CEP85L: variants seen among roughly 807,000 people sequenced by gnomAD.
CEP85L encodes the protein centrosomal protein of 85 kDa-like.
In CEP85L, 60 loss-of-function variants were observed where a neutral mutation model predicts 100.3. The observed-to-expected ratio is 0.60, with a 90% CI of 0.49 to 0.74. The LOEUF (loss-of-function observed/expected upper bound fraction) is 0.74, where lower values mean the gene tolerates loss of function less well. CEP85L is among the 30% of genes least tolerant of loss of function. The probability of loss-of-function intolerance (pLI) is 0.00; values close to 1 mark genes in which losing one functional copy is unlikely to be tolerated. For synonymous variants in CEP85L, 319 were observed against 322.7 expected (o/e 0.99, Z 0.12); for missense variants, 973 against 936.2 (o/e 1.04, Z -0.51).
intron 2 of CEP85L, among the ~76,000 whole-genome samples, chr6:118,616,521 G>C (rs1432556589): frequency 6.6e-6 from 1 of 150,468 alleles, no homozygotes; most frequent in African/African-American, 2.4e-5. Flanking sequence ...GACAGAGTGA[G>C]ACTATCTTCA....
At chr6:118,588,845 G>A (rs1781014901) in intron 2 of CEP85L, among the ~76,000 whole-genome samples, 1 of 152,170 alleles carries the variant, frequency 6.6e-6, no homozygotes, top group African/African-American at 2.4e-5. Context: ...TCTACCCCAG[G>A]AGGAGCCCTA....
chr6:118,687,677 T>C (rs1351619223), intron 1 of CEP85L, among the ~76,000 whole-genome samples: 1 of 152,096 alleles, frequency 6.6e-6, no homozygotes, highest in Non-Finnish European at 1.5e-5. Context: ...GGGAGCCCTG[T>C]TTTCACTCTA....
chr6:118,502,388 G>C (rs972419325), intron 5 of CEP85L: 4 of 525,640 alleles, frequency 7.6e-6, no homozygotes, highest in Non-Finnish European at 1.1e-5. Flanking sequence ...ATAGTTTGCT[G>C]GATGTTTTAA....
intron 2 of CEP85L, among the ~76,000 whole-genome samples, chr6:118,588,045 G>A (rs1780969908): frequency 6.6e-6 from 1 of 152,212 alleles, no homozygotes; most frequent in Non-Finnish European, 1.5e-5. Flanking sequence ...AGCTGCAGTA[G>A]TTCTCAACTT....
chr6:118,614,865 CAGATAGATAGATAGAT>C (rs57663206), intron 2 of CEP85L, among the ~76,000 whole-genome samples: 17 of 149,974 alleles, frequency 1.1e-4, no homozygotes, highest in South Asian at 4.3e-4. Flanking sequence ...GACAGACAGA[CAGATAGATAGATAGAT>C]AGATAGATAG....
chr6:118,590,026 AT>A lies in CEP85L; in HGVS notation c.233-23711del, dbSNP rs549983119. The stretch of plus-strand genomic sequence containing the variant: ...TTGAGGCCAGTTCTGGGTGTTTCAG[AT>A]TTTTTTTCTCTGCATTTACACACAC... On this transcript the variant is annotated intron_variant, in intron 2 of 12. Coordinates refer to ENST00000368491, the MANE Select transcript of CEP85L (RefSeq NM_001042475.3). Among the ~76,000 whole-genome samples, 34 of 151,586 alleles carry A rather than the reference AT, an allele frequency of 2.2e-4. 1 individual carries two copies. In the South Asian group the frequency reaches 3.3e-3, roughly 15 times the overall value.
intron 2 of CEP85L, among the ~76,000 whole-genome samples, chr6:118,601,818 A>T (rs1261781975): frequency 6.6e-6 from 1 of 152,206 alleles, no homozygotes; most frequent in Non-Finnish European, 1.5e-5. Flanking sequence ...GAGGACAACC[A>T]GAGGTAAATC....
Position 118,616,485 on chromosome 6 carries a change from T to C in CEP85L, c.232+15968A>G, listed in dbSNP as rs530894865. Among the ~76,000 whole-genome samples the C allele has an allele frequency of 4.6e-5, 7 of 151,154 alleles. No homozygotes were observed. In the South Asian group the frequency reaches 1.5e-3, roughly 32 times the overall value. On this transcript the variant is annotated intron_variant, in intron 2 of 12. Coordinates refer to ENST00000368491, the MANE Select transcript of CEP85L (RefSeq NM_001042475.3). The stretch of plus-strand genomic sequence containing the variant: ...ATAGAAGGATCACAGTGAGCCATGA[T>C]AGCACAACTGCACGCCAGCCTGGGT...
intron 2 of CEP85L, among the ~76,000 whole-genome samples, chr6:118,567,209 ATGTGTGTGTG>A (rs68047463): frequency 0.02 from 1,756 of 88,774 alleles, 19 homozygotes; most frequent in East Asian, 0.023. Flanking sequence ...ATATATATGT[ATGTGTGTGTG>A]TGTGTGTGTG....
At chr6:118,570,010 C>T (rs1044594141) in intron 2 of CEP85L, among the ~76,000 whole-genome samples, 2 of 152,098 alleles carry the variant, frequency 1.3e-5, no homozygotes, top group African/African-American at 4.8e-5. Context: ...GCAATTTGTA[C>T]ATATCACTGT....
At chr6:118,610,641 C>T (rs1193836473) in intron 2 of CEP85L, among the ~76,000 whole-genome samples, 2 of 152,152 alleles carry the variant, frequency 1.3e-5, no homozygotes, top group African/African-American at 2.4e-5. Context: ...ACTTCTATCA[C>T]CACCTGGCAA....
At chr6:118,625,840 C>T (rs1773754768) in intron 2 of CEP85L, among the ~76,000 whole-genome samples, 1 of 152,176 alleles carries the variant, frequency 6.6e-6, no homozygotes, top group Non-Finnish European at 1.5e-5. Context: ...TATTTTTAAC[C>T]TCCTTGTCAA....
intron 4 of CEP85L, among the ~76,000 whole-genome samples, chr6:118,522,987 A>G (rs1776753052): frequency 6.6e-6 from 1 of 152,188 alleles, no homozygotes; most frequent in Non-Finnish European, 1.5e-5. Flanking sequence ...TCTAAGCAAA[A>G]TCTTGTGAAA....
Position 118,705,825 on chromosome 6 carries a change from A to T in CEP85L, c.-28+4211T>A, listed in dbSNP as rs190230262. On this transcript the variant is annotated intron_variant, in intron 1 of 13. Transcript: ENST00000368488. Reference sequence around the variant, plus strand: ...TATGTCCAAACACTAGGGCAGAGTAACAGAGATACCAGGAGATTTGAAAAA... The same window carrying T: ...TATGTCCAAACACTAGGGCAGAGTATCAGAGATACCAGGAGATTTGAAAAA... 2.1e-3 allele frequency among the ~76,000 whole-genome samples: 323 copies of T among 152,328 alleles called. 1 individual carries two copies. The highest frequency in any genetic ancestry group is 3.6e-3 in the Non-Finnish European group (246 of 68,032).
intron 4 of CEP85L, 73 bp from the exon 5 acceptor site, chr6:118,511,488 T>G: frequency 2.2e-6 from 2 of 905,012 alleles, no homozygotes; most frequent in Non-Finnish European, 3.5e-6. Flanking sequence ...AAGGAGCTTA[T>G]TCCTCTTAGA....
chr6:118,519,889 C>T (rs890782760), intron 4 of CEP85L, among the ~76,000 whole-genome samples: 2 of 151,952 alleles, frequency 1.3e-5, no homozygotes, highest in Non-Finnish European at 2.9e-5. Flanking sequence ...AAAATACAGA[C>T]CAATATCTCT....
chr6:118,583,452 T>C (rs892651296), intron 2 of CEP85L, among the ~76,000 whole-genome samples: 10 of 152,172 alleles, frequency 6.6e-5, no homozygotes, highest in Non-Finnish European at 1.5e-5. Flanking sequence ...ACATGCCTTT[T>C]TAATCACGCC....
chr6:118,533,696 A>C (rs1228962509), intron 3 of CEP85L, among the ~76,000 whole-genome samples: 1 of 152,218 alleles, frequency 6.6e-6, no homozygotes, highest in East Asian at 1.9e-4. Flanking sequence ...AGATACAAAA[A>C]ACTTTAACAA....
At chr6:118,646,613 G>A (rs949861881) in intron 1 of CEP85L, among the ~76,000 whole-genome samples, 8 of 151,442 alleles carry the variant, frequency 5.3e-5, no homozygotes, top group Non-Finnish European at 4.4e-5. Flanking sequence ...AGGTTGCTGT[G>A]AGCCGAGATC....
Sources: allele counts gnomAD v4.1 joint callset (sites outside exome capture counted in the v4.1 genomes callset), GRCh38; gene constraint gnomAD v4.1.1; transcripts MANE v1.5; gene names NCBI Gene and HGNC (gene_info 2026-07-23, HGNC 2026-07-21).